The following NDST1 variants were observed in gnomAD, a reference collection of about 807,000 sequenced individuals.
NDST1 encodes the protein N-deacetylase and N-sulfotransferase 1.
In NDST1, 35 loss-of-function variants were observed where a neutral mutation model predicts 92.8. The ratio of observed to expected loss-of-function variants is 0.38; its 90% CI spans 0.29 to 0.50. The LOEUF (loss-of-function observed/expected upper bound fraction) is 0.50, where lower values mean the gene tolerates loss of function less well. Among genes scored for constraint, NDST1 ranks in the 20% least tolerant of loss-of-function variants. NDST1 has a pLI of 0.94. For synonymous variants in NDST1, 493 were observed against 500.3 expected (o/e 0.99, Z 0.19); for missense variants, 822 against 1,182.7 (o/e 0.69, Z 4.47).
chr5:150,520,841 C>T (rs1411863532), intron 1 of NDST1, 27 bp from the exon 2 acceptor site: 6 of 414,644 alleles, frequency 1.4e-5, no homozygotes, highest in African/African-American at 4.1e-5. Flanking sequence ...CGCACTCTGA[C>T]GCTCCTGTTC....
Position 150,500,249 on chromosome 5 carries a change from C to T in NDST1, c.-388+2010C>T, listed in dbSNP as rs548481353. 3.3e-5 allele frequency among the ~76,000 whole-genome samples: 5 copies of T among 152,266 alleles called. No individual in the cohort carries two copies. In the South Asian group the frequency reaches 1.0e-3, roughly 32 times the overall value. ...CCGCTGCCTCCTGCTCTGATTCTTT[C>T]ATTCTAGGGTGTAGCCTCCCCATCC... On this transcript the variant is annotated intron_variant, in intron 1 of 1. Transcript: ENST00000518299.
At chr5:150,540,354 G>A (rs924463924) in intron 8 of NDST1, 90 bp downstream of exon 8, 226 of 1,353,340 alleles carry the variant, frequency 1.7e-4, no homozygotes, top group Non-Finnish European at 2.1e-4. Context: ...TCAAGGCTCA[G>A]CCATCATGCC....
At chr5:150,504,970 G>A (rs1461803563), upstream of NDST1, among the ~76,000 whole-genome samples, 2 of 152,298 alleles carry the variant, frequency 1.3e-5, no homozygotes, top group Non-Finnish European at 2.9e-5. Flanking sequence ...TCCTGTGTGC[G>A]TGTTGGGAAG....
At position 150,545,302 on chromosome 5, in the gene NDST1, C is replaced by G. The variant is rs758657857; in HGVS notation, c.1971-10C>G. ...TTTGTCTGTGAGCCGCCTCTCTGGG[C>G]TTCCTGCAGGTACATGGAGTTCTTC... On this transcript the variant is annotated splice_polypyrimidine_tract_variant and intron_variant, in intron 10 of 14. Coordinates refer to ENST00000261797, the MANE Select transcript of NDST1 (RefSeq NM_001543.5). The G allele has an allele frequency of 1.9e-6, 3 of 1,614,174 alleles. No homozygotes were observed. The highest frequency in any genetic ancestry group is 2.5e-6 in the Non-Finnish European group (3 of 1,180,008).
chr5:150,516,477 T>A lies in NDST1; in HGVS notation c.-387-4391T>A, dbSNP rs997300133. 7.9e-5 allele frequency among the ~76,000 whole-genome samples: 12 copies of A among 152,226 alleles called. No individual in the cohort carries two copies. In the East Asian group the frequency reaches 2.1e-3, roughly 27 times the overall value. ...AAGTAGGTAGAATTTCCATTTTACA[T>A]GCTAGGAAACTGAGGCACTGAGAAG... On this transcript the variant is annotated intron_variant, in intron 1 of 14. Transcript: ENST00000261797.
chr5:150,531,982 A>C (rs941495392), intron 3 of NDST1, among the ~76,000 whole-genome samples: 1 of 152,160 alleles, frequency 6.6e-6, no homozygotes, highest in East Asian at 1.9e-4. Flanking sequence ...ATGGCCCTTT[A>C]AAGTCAGCAC....
At chr5:150,541,948 A>G (rs1242359114) in intron 9 of NDST1, among the ~76,000 whole-genome samples, 1 of 152,194 alleles carries the variant, frequency 6.6e-6, no homozygotes, top group Non-Finnish European at 1.5e-5. Context: ...AGCCCAGATC[A>G]GTTGCTCTGC....
chr5:150,539,407 C>T (rs199938010), intron 7 of NDST1, 51 bp downstream of exon 7: 284 of 1,612,420 alleles, frequency 1.8e-4, no homozygotes, highest in Non-Finnish European at 6.6e-5. Flanking sequence ...TGCTGCACAG[C>T]CTGTCTGCAG....
chr5:150,539,273 TACA>T lies in NDST1; in HGVS notation c.1486_1488del (p.Asn496del). The T allele has an allele frequency of 6.2e-7, 1 of 1,614,028 alleles. No individual in the cohort carries two copies. Among genetic ancestry groups the T allele is most frequent in the Non-Finnish European group, 8.5e-7 (1 of 1,180,004 alleles). The stretch of plus-strand genomic sequence containing the variant: ...CGGCCTCTTCACACACACCATCTTC[TACA>T]ACGAGTACCCTGGCGGCTCCAGTGA... On this transcript the variant is annotated inframe_deletion, in exon 7 of 15. Coordinates refer to ENST00000261797, the MANE Select transcript of NDST1 (RefSeq NM_001543.5).
At chr5:150,512,589 C>T (rs1251785820) in intron 1 of NDST1, among the ~76,000 whole-genome samples, 1 of 152,236 alleles carries the variant, frequency 6.6e-6, no homozygotes, top group Non-Finnish European at 1.5e-5. Flanking sequence ...TTGCTCCTTC[C>T]CTCTGGCGTC....
Position 150,539,254 on chromosome 5 carries a change from C to T in NDST1, c.1464C>T (p.Leu488=), listed in dbSNP as rs771762571. 3 of 1,614,214 alleles carry T rather than the reference C, an allele frequency of 1.9e-6. No homozygotes were observed. Among genetic ancestry groups the T allele is most frequent in the Non-Finnish European group, 1.7e-6 (2 of 1,180,040 alleles). ...TTCTCCCACGGCAGACCTGCGGCCT[C>T]TTCACACACACCATCTTCTACAACG... is the stretch of plus-strand genomic sequence containing the variant. ...IMVLPRQTCG[L]FTHTIFYNEY... is the part of the protein sequence containing the mutation. Residue 488 remains leucine (L), a synonymous_variant, in exon 7 of 15, where the codon CTC becomes CTT. Transcript: ENST00000261797.
chr5:150,540,570 C>A (rs1473730019), intron 8 of NDST1, among the ~76,000 whole-genome samples: 1 of 152,172 alleles, frequency 6.6e-6, no homozygotes, highest in Non-Finnish European at 1.5e-5. Context: ...AATCCCAATA[C>A]TTTAGGAGGC....
chr5:150,530,847 A>C (rs190214131), intron 3 of NDST1, among the ~76,000 whole-genome samples: 203 of 152,280 alleles, frequency 1.3e-3, no homozygotes, highest in African/African-American at 4.6e-3. Flanking sequence ...AGCATGAGCC[A>C]CCGCACCTGG....
At chr5:150,499,652 G>A (rs1260806513) in intron 1 of NDST1, among the ~76,000 whole-genome samples, 1 of 152,220 alleles carries the variant, frequency 6.6e-6, no homozygotes, top group Non-Finnish European at 1.5e-5. Context: ...CCATTTGCTA[G>A]AGGCCTCTGG....
At chr5:150,535,679 G>T in intron 5 of NDST1, 21 bp from the exon 6 acceptor site, 1 of 1,614,052 alleles carries the variant, frequency 6.2e-7, no homozygotes, top group Non-Finnish European at 8.5e-7. Context: ...GCTCACCCTG[G>T]CCTGGTCATC....
chr5:150,531,553 T>C lies in NDST1; in HGVS notation c.1009-1392T>C, dbSNP rs1350747479. ...TTCATTCTTGTTGCCCAGGCTGGAG[T>C]GCAGTGACGTTATCTCGGCTCCTGC... is the stretch of plus-strand genomic sequence containing the variant. On this transcript the variant is annotated intron_variant, in intron 3 of 14. Transcript: ENST00000261797. 2.0e-5 allele frequency among the ~76,000 whole-genome samples: 3 copies of C among 147,804 alleles called. 1 individual carries two copies. In the East Asian group the frequency reaches 6.3e-4, roughly 31 times the overall value.
intron 3 of NDST1, among the ~76,000 whole-genome samples, chr5:150,528,964 A>G (rs1754594422): frequency 6.6e-6 from 1 of 152,212 alleles, no homozygotes; most frequent in Non-Finnish European, 1.5e-5. Flanking sequence ...TATGATTTTT[A>G]ACTCTTAAAA....
chr5:150,502,182 G>A (rs1753261775), intron 1 of NDST1, among the ~76,000 whole-genome samples: 1 of 152,296 alleles, frequency 6.6e-6, no homozygotes, highest in Non-Finnish European at 1.5e-5. Context: ...AGAGACTGCT[G>A]GGGGTGAGGG....
intron 13 of NDST1, chr5:150,550,405 TA>T (rs1323398474): frequency 1.3e-5 from 2 of 156,178 alleles, no homozygotes; most frequent in Middle Eastern, 3.1e-3. Flanking sequence ...GATTTTGACT[TA>T]CGATTTCAGG....
Sources: gnomAD v4.1 joint callset for allele counts (sites outside exome capture counted in the v4.1 genomes callset) on GRCh38, gnomAD v4.1.1 for gene constraint, MANE v1.5 for transcripts, NCBI Gene and HGNC (gene_info 2026-07-23, HGNC 2026-07-21) for gene names.